The following FRMD3 variants were observed in gnomAD, a reference collection of about 807,000 sequenced individuals.
The protein encoded by FRMD3 is FERM domain containing 3.
Under a neutral mutation model 70.2 loss-of-function variants are expected in FRMD3, and 33 were observed. The observed-to-expected ratio is 0.47, with a 90% CI of 0.36 to 0.63. The LOEUF (loss-of-function observed/expected upper bound fraction) is 0.63. Ranked by LOEUF, FRMD3 falls within the 20% of genes least tolerant of loss-of-function variation. The pLI, the probability that FRMD3 is intolerant of heterozygous loss-of-function variation, is 0.00. For missense variants in FRMD3, 632 were observed against 711.4 expected (o/e 0.89, Z 1.27); for synonymous variants, 279 against 255.9 (o/e 1.09, Z -0.86).
At chr9:83,284,061 A>ATTTTTT (rs71365307) in intron 13 of FRMD3, among the ~76,000 whole-genome samples, 10 of 101,700 alleles carry the variant, frequency 9.8e-5, no homozygotes, top group African/African-American at 1.9e-4. Context: ...CTAGGATGTT[A>ATTTTTT]TTTTTTTTTT....
At chr9:83,507,908 T>A (rs1350835606) in intron 1 of FRMD3, among the ~76,000 whole-genome samples, 2 of 151,540 alleles carry the variant, frequency 1.3e-5, no homozygotes, top group African/African-American at 4.9e-5. Context: ...ATTATCATTA[T>A]CAAGTACTAC....
In FRMD3 at chr9:83,418,757, G is replaced by C. The variant is rs112174346; in HGVS notation, c.148-29049C>G. On this transcript the variant is annotated intron_variant, in intron 1 of 13. Transcript: ENST00000304195. ...AGAACTAAAAGTAGAACTAACATTCGATCCAGCAATCCCACTACTGGGTAT... is the reference window on the plus strand; with the variant it reads ...AGAACTAAAAGTAGAACTAACATTCCATCCAGCAATCCCACTACTGGGTAT... Among the ~76,000 whole-genome samples the C allele has an allele frequency of 6.1e-3, 922 of 152,214 alleles. 12 individuals carry two copies. The highest frequency in any genetic ancestry group is 0.02 in the African/African-American group (848 of 41,524).
chr9:83,473,719 AC>A (rs1157107884), intron 1 of FRMD3, among the ~76,000 whole-genome samples: 1 of 152,076 alleles, frequency 6.6e-6, no homozygotes, highest in African/African-American at 2.4e-5. Context: ...AGGAAAATTC[AC>A]CCCCCATGAA....
intron 13 of FRMD3, among the ~76,000 whole-genome samples, chr9:83,267,797 G>T (rs1833340665): frequency 6.6e-6 from 1 of 152,190 alleles, no homozygotes; most frequent in African/African-American, 2.4e-5. Flanking sequence ...GAATTAGTGT[G>T]TGTTGCACAC....
chr9:83,582,350 A>G, the FRMD3 span, among the ~76,000 whole-genome samples: 3 of 152,244 alleles, frequency 2.0e-5, no homozygotes, highest in East Asian at 5.8e-4. Flanking sequence ...GAGAACTTCC[A>G]ATTCTTAAAT....
intron 1 of FRMD3, among the ~76,000 whole-genome samples, chr9:83,402,508 T>C (rs1029983231): frequency 6.6e-6 from 1 of 151,690 alleles, no homozygotes; most frequent in Non-Finnish European, 1.5e-5. Flanking sequence ...TATGGAGAAA[T>C]TTAGAAATGC....
chr9:83,293,487 C>T (rs749836125), intron 12 of FRMD3, among the ~76,000 whole-genome samples: 3 of 152,152 alleles, frequency 2.0e-5, no homozygotes, highest in South Asian at 2.1e-4. Flanking sequence ...TATGCTACAA[C>T]GATGGGCCCT....
intron 1 of FRMD3, among the ~76,000 whole-genome samples, chr9:83,508,883 T>C (rs1420245229): frequency 6.6e-6 from 1 of 152,102 alleles, no homozygotes; most frequent in East Asian, 1.9e-4. Context: ...AAGTCTAAAA[T>C]GTGTACTATC....
At chr9:83,372,520 AC>A (rs1231134436) in intron 3 of FRMD3, among the ~76,000 whole-genome samples, 1 of 152,198 alleles carries the variant, frequency 6.6e-6, no homozygotes, top group Non-Finnish European at 1.5e-5. Flanking sequence ...GTTTCCAAAC[AC>A]ATCTGCTTCT....
rs761983764 is a variant in FRMD3, at chr9:83,407,837, G to GTCTCTCTCTCTCTCTCTCTCTCTCTC, written c.148-18155_148-18130dup. ...GCCAGCAGAGGAGGGGGGTTGTTGA[G>GTCTCTCTCTCTCTCTCTCTCTCTCTC]TCTCTCTCTCTCTCTCTCTCTCTCT... On this transcript the variant is annotated intron_variant, in intron 1 of 13. Coordinates refer to ENST00000304195, the MANE Select transcript of FRMD3 (RefSeq NM_174938.6). Among the ~76,000 whole-genome samples the GTCTCTCTCTCTCTCTCTCTCTCTCTC allele has an allele frequency of 4.0e-4, 41 of 103,656 alleles. 1 individual carries two copies. The highest frequency in any genetic ancestry group is 1.3e-3 in the African/African-American group (33 of 26,020). 68.0% of individuals were successfully genotyped at this position (103,656 alleles called of 152,430 possible).
chr9:83,581,179 T>A, the FRMD3 span, among the ~76,000 whole-genome samples: 5 of 151,804 alleles, frequency 3.3e-5, no homozygotes, highest in Non-Finnish European at 7.4e-5. Flanking sequence ...ATCCAAAAAG[T>A]GAAAAAAACC....
At chr9:83,462,670 G>A (rs1474809522) in intron 1 of FRMD3, among the ~76,000 whole-genome samples, 3 of 152,160 alleles carry the variant, frequency 2.0e-5, no homozygotes, top group African/African-American at 7.2e-5. Flanking sequence ...AACACTTGGA[G>A]ATATCTCTTT....
intron 1 of FRMD3, among the ~76,000 whole-genome samples, chr9:83,411,715 G>C (rs554109332): frequency 6.6e-6 from 1 of 152,284 alleles, no homozygotes; most frequent in Admixed American, 6.5e-5. Context: ...TTTCACTACT[G>C]TTCACTATTA....
chr9:83,271,863 T>A (rs1833565923), intron 13 of FRMD3, among the ~76,000 whole-genome samples: 1 of 152,202 alleles, frequency 6.6e-6, no homozygotes, highest in Admixed American at 6.5e-5. Context: ...AGCTGGGCAT[T>A]CTTCAACACC....
At chr9:83,303,226 C>T (rs1234739234) in intron 10 of FRMD3, among the ~76,000 whole-genome samples, 1 of 152,180 alleles carries the variant, frequency 6.6e-6, no homozygotes, top group Non-Finnish European at 1.5e-5. Context: ...GGCAATGCCC[C>T]ATCCAAAGCA....
chr9:83,383,146 G>C (rs1034235727), intron 2 of FRMD3, among the ~76,000 whole-genome samples: 2 of 152,202 alleles, frequency 1.3e-5, no homozygotes, highest in African/African-American at 2.4e-5. Context: ...AAGGCACCAG[G>C]CATATGGATG....
At chr9:83,388,286 C>T (rs1049408801) in intron 2 of FRMD3, among the ~76,000 whole-genome samples, 26 of 152,116 alleles carry the variant, frequency 1.7e-4, no homozygotes, top group African/African-American at 6.3e-4. Flanking sequence ...GAACACTAAA[C>T]TAAGAGCCAA....
chr9:83,432,739 G>C (rs1033443920), intron 1 of FRMD3, among the ~76,000 whole-genome samples: 1 of 152,116 alleles, frequency 6.6e-6, no homozygotes, highest in African/African-American at 2.4e-5. Context: ...TTCTTAAATA[G>C]ATTTAACAGA....
chr9:83,562,260 G>A, the FRMD3 span, among the ~76,000 whole-genome samples: 3 of 152,224 alleles, frequency 2.0e-5, no homozygotes, highest in East Asian at 3.9e-4. Flanking sequence ...CCTTAGACGC[G>A]GTATCCTTGA....
Sources: gnomAD v4.1 joint callset for allele counts (sites outside exome capture counted in the v4.1 genomes callset) on GRCh38, gnomAD v4.1.1 for gene constraint, MANE v1.5 for transcripts, NCBI Gene and HGNC (gene_info 2026-07-23, HGNC 2026-07-21) for gene names.